The following CYP4F3 variants were observed in gnomAD, a reference collection of about 807,000 sequenced individuals.
The protein encoded by CYP4F3 is cytochrome P450 family 4 subfamily F member 3.
In CYP4F3, 50 loss-of-function variants were observed where a neutral mutation model predicts 54.8. That is an observed-to-expected ratio of 0.91 (90% CI 0.73 to 1.16). CYP4F3 has a LOEUF of 1.16. CYP4F3 is among the 50% of genes most tolerant of loss of function. The pLI is 0.00. For synonymous variants in CYP4F3, 244 were observed against 262.6 expected (o/e 0.93, Z 0.69); for missense variants, 715 against 676.2 (o/e 1.06, Z -0.64).
chr19:15,650,275 T>C lies in CYP4F3; in HGVS notation c.918+92T>C, dbSNP rs753199475. ...AATTTGAACTTGACCCAGAGGGCAC[T>C]GGGGAGCCATGGAAGGTGATTGAGG... On this transcript the variant is annotated intron_variant, in intron 7 of 12. Transcript: ENST00000221307. The C allele has an allele frequency of 2.1e-5, 33 of 1,609,578 alleles. No homozygotes were observed. In the South Asian group the frequency reaches 3.4e-4, roughly 17 times the overall value.
intron 2 of CYP4F3, among the ~76,000 whole-genome samples, chr19:15,644,549 G>T (rs1254964836): frequency 6.6e-6 from 1 of 152,128 alleles, no homozygotes; most frequent in African/African-American, 2.4e-5. Flanking sequence ...AAGGCCCCTT[G>T]CCAGGTCTAG....
intron 7 of CYP4F3, 127 bp from the exon 8 acceptor site, chr19:15,652,442 A>G: frequency 7.0e-7 from 1 of 1,421,004 alleles, no homozygotes; most frequent in Non-Finnish European, 9.7e-7. Flanking sequence ...TAGGAGAGCA[A>G]GATGGGCTTG....
At position 15,659,333 on chromosome 19, in the gene CYP4F3, T is replaced by G. The variant is rs1343091728; in HGVS notation, c.1511T>G (p.Leu504Arg). The change falls in exon 13 of 13, where the codon CTG (leucine) becomes CGG (arginine). Residue 504 changes from leucine (L) to arginine (R), a missense_variant. Transcript: ENST00000221307. Reference protein sequence around the residue: ...DHTEPRRKPELVLRAEGGLWL... With the variant: ...DHTEPRRKPERVLRAEGGLWL... ...ACCGAGCCCCGCAGGAAGCCGGAGC[T>G]GGTCCTGCGCGCAGAGGGCGGACTT... is the stretch of plus-strand genomic sequence containing the variant. 6.8e-6 allele frequency: 11 copies of G among 1,613,488 alleles called. No homozygotes were observed. The highest frequency in any genetic ancestry group is 1.3e-5 in the African/African-American group (1 of 74,810).
intron 9 of CYP4F3, among the ~76,000 whole-genome samples, chr19:15,653,773 A>AGAGAGAGAGAGT (rs1568400708): frequency 2.8e-4 from 37 of 132,988 alleles, no homozygotes; most frequent in African/African-American, 9.4e-4. Flanking sequence ...AGAGAGAGAG[A>AGAGAGAGAGAGT]GAGAGAGAGA....
chr19:15,651,149 C>T lies in CYP4F3; in HGVS notation c.918+966C>T, dbSNP rs1032781240. Among the ~76,000 whole-genome samples, 17 of 149,658 alleles carry T rather than the reference C, an allele frequency of 1.1e-4. 1 individual carries two copies. In the Admixed American group the frequency reaches 1.1e-3, roughly 10 times the overall value. On this transcript the variant is annotated intron_variant, in intron 7 of 12. Transcript: ENST00000221307. ...TTGGCCTCCCAAAGTACTGGGATTA[C>T]AGGCGTGAGCCACTGTGCCCCACCT...
intron 3 of CYP4F3, 150 bp from the exon 4 acceptor site, chr19:15,646,902 T>A: frequency 9.1e-7 from 1 of 1,102,790 alleles, no homozygotes; most frequent in Non-Finnish European, 1.3e-6. Flanking sequence ...CCCTCCCCCA[T>A]CCTGCCTTCT....
At chr19:15,652,027 C>T (rs1262167065) in intron 7 of CYP4F3, among the ~76,000 whole-genome samples, 1 of 151,818 alleles carries the variant, frequency 6.6e-6, no homozygotes, top group Non-Finnish European at 1.5e-5. Context: ...AGGAAAGGCA[C>T]CCTATATTAT....
intron 8 of CYP4F3, 49 bp from the exon 9 acceptor site, chr19:15,652,774 C>A (rs750243030): frequency 6.2e-7 from 1 of 1,601,448 alleles, no homozygotes; most frequent in Non-Finnish European, 8.5e-7. Flanking sequence ...TGTACACCCT[C>A]GGGTGCTGAA....
chr19:15,661,820 G>A lies in CYP4F3; in HGVS notation c.*2435G>A, dbSNP rs1332698594. The A allele has an allele frequency of 1.3e-5, 2 of 152,126 alleles. No homozygotes were observed. The highest frequency in any genetic ancestry group is 4.8e-5 in the African/African-American group (2 of 41,436). The allele number at this position is 152,126 out of a possible 1,614,324, so 9.4% of individuals were successfully genotyped here. ...ACTCTTTGCTTAACTGGAGGTCATG[G>A]AGATTTTCTCCTACATTTTCTTTTA... is the stretch of plus-strand genomic sequence containing the variant. On this transcript the variant is annotated 3_prime_UTR_variant, in exon 13 of 13. Coordinates refer to ENST00000221307, the MANE Select transcript of CYP4F3 (RefSeq NM_000896.3).
At chr19:15,643,405 AATAGATAGATAGATAGATAGATAG>A (rs57178444) in intron 2 of CYP4F3, among the ~76,000 whole-genome samples, 4 of 99,322 alleles carry the variant, frequency 4.0e-5, no homozygotes, top group African/African-American at 1.2e-4. Context: ...TATATAGGTA[AATAGATAGATAGATAGATAGATAG>A]ATAGATAGAT....
At position 15,659,286 on chromosome 19, in the gene CYP4F3, C is replaced by A; in HGVS notation, c.1464C>A (p.Arg488=). 1.2e-6 allele frequency: 2 copies of A among 1,613,548 alleles called. No individual in the cohort carries two copies. Among genetic ancestry groups the A allele is most frequent in the Non-Finnish European group, 8.5e-7 (1 of 1,179,832 alleles). The change falls in exon 13 of 13, where the codon CGC becomes CGA. Residue 488 remains arginine (R), a synonymous_variant. Coordinates refer to ENST00000221307, the MANE Select transcript of CYP4F3 (RefSeq NM_000896.3). ...MKVVLGLTLL[R]FRVLPDHTEP... is the part of the protein sequence containing the mutation. Reference sequence around the variant, plus strand: ...TGGTCCTGGGGCTCACGCTGCTGCGCTTCCGCGTCCTGCCTGACCACACCG... The same window carrying A: ...TGGTCCTGGGGCTCACGCTGCTGCGATTCCGCGTCCTGCCTGACCACACCG...
chr19:15,662,258 T>C lies in CYP4F3; in HGVS notation c.*2873T>C, dbSNP rs1973195660. On this transcript the variant is annotated 3_prime_UTR_variant, in exon 13 of 13. Transcript: ENST00000221307. ...TGCACTCCAGCCTGGGTGAAAGAGC[T>C]AGATTCTCTCTCTCAAAAAAAAAAA... 1.5e-5 allele frequency: 1 copy of C among 66,290 alleles called. No homozygotes were observed. Among genetic ancestry groups the C allele is most frequent in the Non-Finnish European group, 2.4e-5 (1 of 41,410 alleles). The allele number at this position is 66,290 out of a possible 1,614,324, so 4.1% of individuals were successfully genotyped here.
At position 15,652,963 on chromosome 19, in the gene CYP4F3, G is replaced by A. The variant is rs1408182070; in HGVS notation, c.1115+11G>A. On this transcript the variant is annotated intron_variant, in intron 9 of 12. Transcript: ENST00000221307. ...TAAAGAGATTGAATGGTGAGTGCAGGTGCTGGTGCCCTGTTCCTGAGCCTG... is the reference window on the plus strand; with the variant it reads ...TAAAGAGATTGAATGGTGAGTGCAGATGCTGGTGCCCTGTTCCTGAGCCTG... 1.3e-6 allele frequency: 2 copies of A among 1,598,130 alleles called. No homozygotes were observed. The highest frequency in any genetic ancestry group is 1.7e-6 in the Non-Finnish European group (2 of 1,172,598).
At chr19:15,652,451 TG>T in intron 7 of CYP4F3, 117 bp from the exon 8 acceptor site, 1 of 1,472,008 alleles carries the variant, frequency 6.8e-7, no homozygotes, top group Non-Finnish European at 9.3e-7. Context: ...AAGATGGGCT[TG>T]GGTTTCTCGA....
At chr19:15,650,913 C>T (rs1972835892) in intron 7 of CYP4F3, among the ~76,000 whole-genome samples, 1 of 143,288 alleles carries the variant, frequency 7.0e-6, no homozygotes, top group South Asian at 2.3e-4. Flanking sequence ...CTCGCTCTAT[C>T]ACCCAGGCTG....
chr19:15,649,021 A>G (rs879624273), intron 5 of CYP4F3, 139 bp from the exon 6 acceptor site: 16 of 1,376,040 alleles, frequency 1.2e-5, no homozygotes, highest in Non-Finnish European at 1.5e-5. Flanking sequence ...TTGCACCATA[A>G]CCTGGTGCTC....
In CYP4F3 at chr19:15,649,961, G is replaced by A. The variant is rs776323965; in HGVS notation, c.696G>A (p.Val232=). 1.9e-5 allele frequency: 30 copies of A among 1,614,006 alleles called. No individual in the cohort carries two copies. Among genetic ancestry groups the A allele is most frequent in the Non-Finnish European group, 2.3e-5 (27 of 1,180,022 alleles). The change falls in exon 7 of 13, where the codon GTG becomes GTA. Residue 232 remains valine, a synonymous_variant. Coordinates refer to ENST00000221307, the MANE Select transcript of CYP4F3 (RefSeq NM_000896.3). ...CCATCTTGGAGCTCAGTGCCCTTGT[G>A]ACAAAAAGACACCAGCAGATCCTCC... ...IAAILELSAL[V]TKRHQQILLY...
chr19:15,657,027 G>GCCT (rs1263994818), intron 9 of CYP4F3, among the ~76,000 whole-genome samples: 1 of 152,134 alleles, frequency 6.6e-6, no homozygotes, highest in Admixed American at 6.5e-5. Context: ...CTTCCAGAGT[G>GCCT]TCTGTACTGA....
In CYP4F3 at chr19:15,649,933, C is replaced by A. The variant is rs757242505; in HGVS notation, c.668C>A (p.Ala223Asp). 1 of 1,614,010 alleles carries A rather than the reference C, an allele frequency of 6.2e-7. No homozygotes were observed. The highest frequency in any genetic ancestry group is 2.2e-5 in the East Asian group (1 of 44,882). Residue 223 changes from alanine to aspartate, a missense_variant, in exon 7 of 13, where the codon GCC becomes GAC. Coordinates refer to ENST00000221307, the MANE Select transcript of CYP4F3 (RefSeq NM_000896.3). ...TGCAGGAAGCCCAGTGAATATATTG[C>A]CGCCATCTTGGAGCTCAGTGCCCTT... is the stretch of plus-strand genomic sequence containing the variant. ...HCQEKPSEYI[A>D]AILELSALVT...
Sources: gnomAD v4.1 joint callset for allele counts (sites outside exome capture counted in the v4.1 genomes callset) on GRCh38, gnomAD v4.1.1 for gene constraint, MANE v1.5 for transcripts, NCBI Gene and HGNC (gene_info 2026-07-23, HGNC 2026-07-21) for gene names.